GRHL3: variants seen among roughly 807,000 people sequenced by gnomAD.
GRHL3 encodes the protein grainyhead-like protein 3 homolog.
A neutral mutation model predicts 70.3 loss-of-function variants in GRHL3; 20 were observed. The observed-to-expected ratio is 0.28, with a 90% CI of 0.20 to 0.41. GRHL3 has a LOEUF of 0.41. Among genes scored for constraint, GRHL3 ranks in the 10% least tolerant of loss-of-function variants. GRHL3 has a pLI of 1.00. For missense variants in GRHL3, 637 were observed against 762.3 expected (o/e 0.84, Z 1.94); for synonymous variants, 299 against 299.9 (o/e 1.00, Z 0.03).
At position 24,342,158 on chromosome 1, in the gene GRHL3, A is replaced by T. The variant is rs1640067986; in HGVS notation, c.1091A>T (p.Gln364Leu). ...VNCLSTDFSSQKGVKGVPLNL... is the reference protein window; with the variant it reads ...VNCLSTDFSSLKGVKGVPLNL... Reference sequence around the variant, plus strand: ...TGTCTGAGCACAGACTTTTCCTCACAAAAGGGGGTGAAGGGTGTCCCCCTG... The same window carrying T: ...TGTCTGAGCACAGACTTTTCCTCACTAAAGGGGGTGAAGGGTGTCCCCCTG... Residue 364 changes from glutamine to leucine, a missense_variant, in exon 9 of 16, where the codon CAA (glutamine) becomes CTA (leucine). Physicochemically the swap from Gln to Leu is moderately radical, Grantham distance 113. Around this residue, in one of 2 missense-constraint regions of GRHL3, gnomAD observed 387 missense variants for 513.8 expected, o/e 0.75. Transcript: ENST00000361548. The surrounding 1 kb of genome is among the most constrained non-coding windows in gnomAD (Gnocchi z 4.8). 1 of 1,610,696 alleles carries T rather than the reference A, an allele frequency of 6.2e-7. No homozygotes were observed. The highest frequency in any genetic ancestry group is 8.5e-7 in the Non-Finnish European group (1 of 1,178,198).
chr1:24,354,512 C>T lies in GRHL3; in HGVS notation c.*24C>T, dbSNP rs558689354. 1.7e-4 allele frequency: 245 copies of T among 1,469,562 alleles called. 3 individuals carry two copies. In the South Asian group the frequency reaches 2.7e-3, roughly 16 times the overall value. 91.0% of individuals were successfully genotyped at this position (1,469,562 alleles called of 1,614,324 possible). A position where few individuals can be genotyped will look rare whatever the true frequency, so the allele number is the denominator to read the frequency against. Reference sequence around the variant, plus strand: ...AAGGCCTCTCGAGCATCCAAACCCTCACGACCTGCAAGGGGCCAGCAGGGA... The same window carrying T: ...AAGGCCTCTCGAGCATCCAAACCCTTACGACCTGCAAGGGGCCAGCAGGGA... On this transcript the variant is annotated 3_prime_UTR_variant, in exon 16 of 16. Coordinates refer to ENST00000361548, the MANE Select transcript of GRHL3 (RefSeq NM_198173.3).
At chr1:24,340,880 C>T (rs957651138) in intron 8 of GRHL3, among the ~76,000 whole-genome samples, 4 of 152,032 alleles carry the variant, frequency 2.6e-5, no homozygotes, top group Admixed American at 6.6e-5. Flanking sequence ...AGATGGGTTT[C>T]GGTGGGGATT....
intron 14 of GRHL3, 65 bp from the exon 15 acceptor site, chr1:24,349,993 C>A: frequency 8.1e-7 from 1 of 1,241,778 alleles, no homozygotes. Context: ...AAAGTGATGG[C>A]ATAAAAGACT....
At chr1:24,364,086 A>G in intron 15 of GRHL3, 1 of 1,429,548 alleles carries the variant, frequency 7.0e-7, no homozygotes, top group Non-Finnish European at 9.2e-7. Context: ...AACACAGTTC[A>G]GCAACTCCAT....
chr1:24,341,043 C>G (rs1256162431), intron 8 of GRHL3, among the ~76,000 whole-genome samples: 1 of 152,074 alleles, frequency 6.6e-6, no homozygotes, highest in Non-Finnish European at 1.5e-5. Context: ...GGGGTCTGCT[C>G]AGACACACCC....
chr1:24,341,281 A>C (rs148274349), intron 8 of GRHL3, among the ~76,000 whole-genome samples: 2 of 152,250 alleles, frequency 1.3e-5, no homozygotes, highest in Admixed American at 6.5e-5. Flanking sequence ...CGGTTATAAC[A>C]TATCAAGCCT....
At chr1:24,364,233 C>T (rs1244981271) in exon 16 of GRHL3, 2 of 1,545,006 alleles carry the variant, frequency 1.3e-6, no homozygotes, top group Middle Eastern at 1.7e-4. Context: ...CCCCACCTGA[C>T]TGTCTTGAAT....
rs190843688 is a variant in GRHL3 at position 24,348,663 on chromosome 1, G to A, written c.1629+1110G>A. ...AGGAATGGAGAGTTTACTACCTGTG[G>A]GGCAGCCCATGGTGTCTTTGTCCAA... On this transcript the variant is annotated intron_variant, in intron 14 of 15. Coordinates refer to ENST00000361548, the MANE Select transcript of GRHL3 (RefSeq NM_198173.3). Among the ~76,000 whole-genome samples, 69 of 152,296 alleles carry A rather than the reference G, an allele frequency of 4.5e-4. No individual in the cohort carries two copies. In the South Asian group the frequency reaches 6.8e-3, roughly 15 times the overall value.
intron 4 of GRHL3, 121 bp downstream of exon 4, chr1:24,336,948 C>A: frequency 1.7e-6 from 2 of 1,204,924 alleles, no homozygotes; most frequent in Non-Finnish European, 2.4e-6. Flanking sequence ...AGAGCTGAGA[C>A]GGGATTGCCA....
intron 3 of GRHL3, among the ~76,000 whole-genome samples, chr1:24,335,936 C>T (rs1276411641): frequency 1.3e-5 from 2 of 152,158 alleles, no homozygotes; most frequent in African/African-American, 4.8e-5. Flanking sequence ...AAAAGCAACA[C>T]CAGTCTCTTG....
chr1:24,325,096 T>C (rs60573031), intron 1 of GRHL3, among the ~76,000 whole-genome samples: 154 of 152,264 alleles, frequency 1.0e-3, no homozygotes, highest in Non-Finnish European at 1.6e-3. Context: ...TAGAGAGTGA[T>C]TGATCACTGT....
At chr1:24,325,371 C>T (rs12561866) in intron 1 of GRHL3, among the ~76,000 whole-genome samples, 7,707 of 152,224 alleles carry the variant, frequency 0.051, 246 homozygotes, top group Middle Eastern at 0.078. Context: ...CCCATCCTGC[C>T]GTATGCTGCA....
chr1:24,363,463 A>T (rs1305725514), intron 15 of GRHL3, among the ~76,000 whole-genome samples: 1 of 152,242 alleles, frequency 6.6e-6, no homozygotes, highest in Non-Finnish European at 1.5e-5. Flanking sequence ...AACTTCAGGC[A>T]GTACAGGCTT....
At position 24,339,757 on chromosome 1, in the gene GRHL3, G is replaced by A. The variant is rs1361356122; in HGVS notation, c.1042G>A (p.Ala348Thr). 6.2e-7 allele frequency: 1 copy of A among 1,609,328 alleles called. No homozygotes were observed. The highest frequency in any genetic ancestry group is 1.1e-5 in the South Asian group (1 of 90,788). ...LSFVWNVNEE[A>T]KVFIGVNCLS... ...CTTTGTGTGGAACGTGAATGAAGAG[G>A]CCAAGGTCAGTGCTGAGGGCAGTGG... is the stretch of plus-strand genomic sequence containing the variant. The change falls in exon 8 of 16, where the codon GCC becomes ACC. Residue 348 changes from alanine to threonine, a missense_variant. Ala to Thr is a moderately conservative substitution (Grantham distance 58, BLOSUM62 0). Around this residue, in one of 2 missense-constraint regions of GRHL3, gnomAD observed 387 missense variants for 513.8 expected, o/e 0.75. Transcript: ENST00000361548.
At chr1:24,332,829 G>A (rs796353997) in intron 2 of GRHL3, among the ~76,000 whole-genome samples, 16 of 152,314 alleles carry the variant, frequency 1.1e-4, no homozygotes, top group African/African-American at 3.4e-4. Context: ...TTCCAGATAG[G>A]AGAAAGCCCA....
intron 1 of GRHL3, among the ~76,000 whole-genome samples, chr1:24,326,818 C>T (rs765633251): frequency 6.6e-6 from 1 of 152,188 alleles, no homozygotes; most frequent in Non-Finnish European, 1.5e-5. Context: ...GTCCTGGCTT[C>T]ACTCATTCAG....
chr1:24,342,312 A>G lies in GRHL3; in HGVS notation c.1206+39A>G. Reference sequence around the variant, plus strand: ...GCAGACCCTATACTGGGTCCCGGGGAGGTAGAAGGGCCAAACCCTGACCCG... The same window carrying G: ...GCAGACCCTATACTGGGTCCCGGGGGGGTAGAAGGGCCAAACCCTGACCCG... On this transcript the variant is annotated intron_variant, in intron 9 of 15. Coordinates refer to ENST00000361548, the MANE Select transcript of GRHL3 (RefSeq NM_198173.3). This position sits in a 1 kb window ranked among gnomAD's most constrained non-coding sequence, Gnocchi z 4.8. 1 of 1,539,714 alleles carries G rather than the reference A, an allele frequency of 6.5e-7. No individual in the cohort carries two copies. Among genetic ancestry groups the G allele is most frequent in the Non-Finnish European group, 8.8e-7 (1 of 1,137,364 alleles).
intron 1 of GRHL3, 27 bp downstream of exon 1, chr1:24,319,595 C>G (rs750123875): frequency 1.2e-6 from 2 of 1,613,662 alleles, no homozygotes; most frequent in Admixed American, 1.7e-5. Context: ...GGATACCTGC[C>G]GCTCTCAGAG....
At chr1:24,364,275 G>A in exon 16 of GRHL3, 1 of 1,549,292 alleles carries the variant, frequency 6.5e-7, no homozygotes, top group South Asian at 1.2e-5. Flanking sequence ...TGAGGAACAT[G>A]GGTTTTGGAG....
Sources: gnomAD v4.1 joint callset for allele counts (sites outside exome capture counted in the v4.1 genomes callset) on GRCh38, gnomAD v4.1.1 for gene constraint, gnomAD v4.1.1 regional missense constraint, Gnocchi (gnomAD v3.1) non-coding constraint, MANE v1.5 for transcripts, NCBI Gene and HGNC (gene_info 2026-07-23, HGNC 2026-07-21) for gene names.